PTPN9: variants seen among roughly 807,000 people sequenced by gnomAD.
PTPN9 encodes tyrosine-protein phosphatase non-receptor type 9.
A neutral mutation model predicts 69.8 loss-of-function variants in PTPN9; 26 were observed. The observed-to-expected ratio is 0.37, with a 90% CI of 0.27 to 0.52. PTPN9 has a LOEUF of 0.52. PTPN9 is among the 20% of genes least tolerant of loss of function. The pLI is 0.91. For missense variants in PTPN9, 549 were observed against 740.3 expected (o/e 0.74, Z 3.00); for synonymous variants, 274 against 272.5 (o/e 1.01, Z -0.05).
At position 75,464,649 on chromosome 15, in the gene PTPN9, C is replaced by G. The variant is rs1005199330; in HGVS notation, c.*4120G>C. 5.3e-5 allele frequency: 8 copies of G among 152,172 alleles called. No homozygotes were observed. The highest frequency in any genetic ancestry group is 1.9e-4 in the African/African-American group (8 of 41,440). 9.4% of individuals were successfully genotyped at this position (152,172 alleles called of 1,614,324 possible). A position where few individuals can be genotyped will look rare whatever the true frequency, so the allele number is the denominator to read the frequency against. ...GCTGGGTCACTCTAGAGAAGCTTTT[C>G]TACTTGGCCAATGCCTCTTGGCCCA... On this transcript the variant is annotated 3_prime_UTR_variant, in exon 13 of 13. Coordinates refer to ENST00000618819, the MANE Select transcript of PTPN9 (RefSeq NM_002833.4).
chr15:75,563,597 T>C (rs1444791924), intron 1 of PTPN9, among the ~76,000 whole-genome samples: 1 of 152,224 alleles, frequency 6.6e-6, no homozygotes. Flanking sequence ...ATTCCATGGT[T>C]GGTGTATATG....
At chr15:75,557,638 C>T (rs1413165816) in intron 1 of PTPN9, among the ~76,000 whole-genome samples, 1 of 152,160 alleles carries the variant, frequency 6.6e-6, no homozygotes, top group Non-Finnish European at 1.5e-5. Flanking sequence ...AATGCCAACA[C>T]TTGTTTCCCA....
intron 7 of PTPN9, among the ~76,000 whole-genome samples, chr15:75,503,953 C>T (rs2074794690): frequency 3.8e-5 from 4 of 105,338 alleles, no homozygotes; most frequent in Admixed American, 2.9e-4. Context: ...AGGTGAGGGG[C>T]GCCTCTGCCC....
At chr15:75,477,163 G>C (rs539348486) in intron 9 of PTPN9, among the ~76,000 whole-genome samples, 6 of 152,162 alleles carry the variant, frequency 3.9e-5, no homozygotes, top group Non-Finnish European at 8.8e-5. Context: ...TAGCTGCATG[G>C]TCCAAGGTCA....
intron 1 of PTPN9, 94 bp downstream of exon 1, chr15:75,578,620 C>T (rs2075184631): frequency 2.9e-6 from 3 of 1,042,948 alleles, no homozygotes; most frequent in African/African-American, 1.7e-5. Flanking sequence ...GCTGCGGCCC[C>T]GTGGCTGCAA....
intron 4 of PTPN9, among the ~76,000 whole-genome samples, chr15:75,518,240 C>G (rs1178730190): frequency 6.6e-6 from 1 of 151,696 alleles, no homozygotes; most frequent in Non-Finnish European, 1.5e-5. Context: ...TTGGGAGGCT[C>G]AGGTGGGAGG....
chr15:75,483,683 G>C (rs1289655512), intron 8 of PTPN9, among the ~76,000 whole-genome samples: 5 of 152,178 alleles, frequency 3.3e-5, no homozygotes, highest in Non-Finnish European at 7.4e-5. Context: ...ACTTTAAATA[G>C]GTAAATTGTA....
At chr15:75,561,183 C>T (rs762490574) in intron 1 of PTPN9, among the ~76,000 whole-genome samples, 8 of 151,752 alleles carry the variant, frequency 5.3e-5, no homozygotes, top group Admixed American at 1.3e-4. Context: ...GGCACGGTGG[C>T]GCATGCCTGT....
At chr15:75,556,297 C>T (rs1259355590) in intron 1 of PTPN9, among the ~76,000 whole-genome samples, 2 of 151,766 alleles carry the variant, frequency 1.3e-5, no homozygotes, top group Admixed American at 6.6e-5. Flanking sequence ...CTCCTGACCT[C>T]GTGATCCCCC....
intron 5 of PTPN9, among the ~76,000 whole-genome samples, chr15:75,514,665 C>T (rs2074860605): frequency 6.6e-6 from 1 of 152,110 alleles, no homozygotes; most frequent in Non-Finnish European, 1.5e-5. Context: ...TGTGCGCACA[C>T]ATTATATGTG....
At chr15:75,510,349 G>T (rs1449272674) in intron 5 of PTPN9, among the ~76,000 whole-genome samples, 5 of 152,092 alleles carry the variant, frequency 3.3e-5, no homozygotes, top group Non-Finnish European at 7.4e-5. Flanking sequence ...AGGCTCAAAT[G>T]ATCCTCCCAC....
intron 1 of PTPN9, among the ~76,000 whole-genome samples, chr15:75,540,593 A>G (rs2075004350): frequency 6.6e-6 from 1 of 150,892 alleles, no homozygotes; most frequent in South Asian, 2.1e-4. Flanking sequence ...GAAAAATGTG[A>G]ATCAGGTCTG....
At chr15:75,510,589 T>C (rs2074840916) in intron 5 of PTPN9, among the ~76,000 whole-genome samples, 1 of 152,164 alleles carries the variant, frequency 6.6e-6, no homozygotes, top group Non-Finnish European at 1.5e-5. Flanking sequence ...TCTTTTCTGG[T>C]TAGTGTGTTG....
chr15:75,472,287 T>G (rs967485096), intron 10 of PTPN9, among the ~76,000 whole-genome samples: 12 of 149,240 alleles, frequency 8.0e-5, no homozygotes, highest in Middle Eastern at 3.7e-3. Flanking sequence ...GTGAAACCCC[T>G]TCTCTACTAA....
rs1045656062 is a variant in PTPN9 at position 75,537,889 on chromosome 15, T to A, written c.64-10628A>T. ...GCCTGGCCAACATAGTGAAACCCTGTCTCTTCTAAAAATACAAAAATTAGC... is the reference window on the plus strand; with the variant it reads ...GCCTGGCCAACATAGTGAAACCCTGACTCTTCTAAAAATACAAAAATTAGC... On this transcript the variant is annotated intron_variant, in intron 1 of 12. Transcript: ENST00000618819. Among the ~76,000 whole-genome samples, 3 of 151,252 alleles carry A rather than the reference T, an allele frequency of 2.0e-5. No homozygotes were observed. The Admixed American group carries it at 2.0e-4, about 10-fold the overall frequency.
chr15:75,474,868 T>C (rs1320722324), intron 9 of PTPN9, among the ~76,000 whole-genome samples: 1 of 152,172 alleles, frequency 6.6e-6, no homozygotes, highest in Non-Finnish European at 1.5e-5. Context: ...GTTTAATCTT[T>C]CTTAAAAATT....
intron 4 of PTPN9, among the ~76,000 whole-genome samples, chr15:75,520,003 G>T (rs750062258): frequency 6.6e-6 from 1 of 152,248 alleles, no homozygotes; most frequent in Middle Eastern, 3.4e-3. Context: ...ATTAGTACGT[G>T]CCTGTGGTCC....
chr15:75,522,763 C>T (rs982092765), intron 4 of PTPN9, among the ~76,000 whole-genome samples: 3 of 152,096 alleles, frequency 2.0e-5, no homozygotes, highest in Non-Finnish European at 2.9e-5. Context: ...TCCTGTTATG[C>T]AGACAAAGAA....
At chr15:75,490,408 G>A (rs931647723) in intron 7 of PTPN9, 107 bp from the exon 8 acceptor site, 1 of 760,312 alleles carries the variant, frequency 1.3e-6, no homozygotes, top group African/African-American at 1.7e-5. Flanking sequence ...TAGGGGTGGA[G>A]ACATGGAAGC....
Sources: gnomAD v4.1 joint callset for allele counts (sites outside exome capture counted in the v4.1 genomes callset) on GRCh38, gnomAD v4.1.1 for gene constraint, MANE v1.5 for transcripts, NCBI Gene and HGNC (gene_info 2026-07-23, HGNC 2026-07-21) for gene names.